The following VPS50 variants were observed in gnomAD, a reference collection of about 807,000 sequenced individuals.
VPS50 encodes the protein syndetin.
Under a neutral mutation model 139.7 loss-of-function variants are expected in VPS50, and 70 were observed. The observed-to-expected ratio is 0.50, with a 90% CI of 0.41 to 0.61. VPS50 has a LOEUF of 0.61. Ranked by LOEUF, VPS50 falls within the 20% of genes least tolerant of loss-of-function variation. VPS50 has a pLI of 0.00. For missense variants in VPS50, 921 were observed against 1,133.7 expected (o/e 0.81, Z 2.69); for synonymous variants, 365 against 376.7 (o/e 0.97, Z 0.36).
intron 17 of VPS50, among the ~76,000 whole-genome samples, chr7:93,305,031 A>G (rs1314820641): frequency 6.6e-6 from 1 of 151,958 alleles, no homozygotes; most frequent in Admixed American, 6.6e-5. Context: ...GAAAATGAAT[A>G]AATTTAAATT....
chr7:93,355,772 A>G (rs1055051026), intron 26 of VPS50, 119 bp from the exon 27 acceptor site: 1 of 542,508 alleles, frequency 1.8e-6, no homozygotes, highest in African/African-American at 1.9e-5. Context: ...TATTTCCTAT[A>G]ACCCTCTCAT....
intron 22 of VPS50, among the ~76,000 whole-genome samples, chr7:93,337,292 G>C (rs1457448336): frequency 6.6e-6 from 1 of 152,184 alleles, no homozygotes; most frequent in East Asian, 1.9e-4. Flanking sequence ...TTTTGTGAAA[G>C]AGCTCCCTGA....
intron 23 of VPS50, among the ~76,000 whole-genome samples, chr7:93,344,792 C>G (rs1229441893): frequency 6.6e-6 from 1 of 152,000 alleles, no homozygotes; most frequent in Non-Finnish European, 1.5e-5. Context: ...AGAACAAAGA[C>G]ACAACATACC....
rs574531927 is a variant in VPS50, at chr7:93,233,061, C to T, written c.33+561C>T. On this transcript the variant is annotated intron_variant, in intron 1 of 27. Transcript: ENST00000305866. Reference sequence around the variant, plus strand: ...CGATAAGCTAATATATGTGAAAACTCTTTGTGAAATTCTGCTTTAAAAAAT... The same window carrying T: ...CGATAAGCTAATATATGTGAAAACTTTTTGTGAAATTCTGCTTTAAAAAAT... 2.4e-4 allele frequency among the ~76,000 whole-genome samples: 36 copies of T among 152,308 alleles called. No individual in the cohort carries two copies. The South Asian group carries it at 5.6e-3, about 24-fold the overall frequency.
At chr7:93,283,752 A>G (rs1163732021) in intron 12 of VPS50, among the ~76,000 whole-genome samples, 3 of 152,218 alleles carry the variant, frequency 2.0e-5, no homozygotes, top group African/African-American at 7.2e-5. Context: ...TTAGATTTCA[A>G]CAGGCACAAC....
chr7:93,342,357 C>T (rs2117063051), intron 23 of VPS50, among the ~76,000 whole-genome samples: 1 of 152,330 alleles, frequency 6.6e-6, no homozygotes, highest in Middle Eastern at 3.4e-3. Context: ...ATTGCTAGCA[C>T]AGCAGTCTGA....
chr7:93,328,046 C>T (rs1797831846), intron 21 of VPS50, among the ~76,000 whole-genome samples: 1 of 152,152 alleles, frequency 6.6e-6, no homozygotes, highest in Non-Finnish European at 1.5e-5. Flanking sequence ...TAATACTATT[C>T]CCTCCAGAAA....
chr7:93,324,546 CGTGGTTTTTGTCTTTGGTTCT>C (rs1562887748), intron 21 of VPS50, among the ~76,000 whole-genome samples: 4 of 152,036 alleles, frequency 2.6e-5, no homozygotes, highest in African/African-American at 9.7e-5. Flanking sequence ...TTGAGATAAT[CGTGGTTTTTGTCTTTGGTTCT>C]GTTTATATGC....
chr7:93,272,042 T>G (rs1295305208), intron 10 of VPS50, among the ~76,000 whole-genome samples: 1 of 151,800 alleles, frequency 6.6e-6, no homozygotes, highest in Non-Finnish European at 1.5e-5. Context: ...CTGAATATTT[T>G]AATGAAGGCT....
At chr7:93,261,350 C>G (rs1213449585) in intron 9 of VPS50, among the ~76,000 whole-genome samples, 1 of 152,100 alleles carries the variant, frequency 6.6e-6, no homozygotes, top group Admixed American at 6.5e-5. Flanking sequence ...CATAATCTAT[C>G]AAGAAGGACT....
intron 25 of VPS50, among the ~76,000 whole-genome samples, chr7:93,350,677 A>T (rs1798531228): frequency 6.6e-6 from 1 of 152,148 alleles, no homozygotes; most frequent in South Asian, 2.1e-4. Context: ...CAGATGATGA[A>T]TAATGCTGTG....
rs374801501 is a variant in VPS50 at position 93,319,283 on chromosome 7, G to C, written c.1856-4328G>C. ...AAGTGTGGGAACCACACTTCTCTCT[G>C]TGTCTCCCACTGATGAATTGGCTAA... On this transcript the variant is annotated intron_variant, in intron 20 of 27. Transcript: ENST00000305866. Among the ~76,000 whole-genome samples, 11 of 152,190 alleles carry C rather than the reference G, an allele frequency of 7.2e-5. No individual in the cohort carries two copies. The East Asian group carries it at 1.7e-3, about 24-fold the overall frequency.
chr7:93,299,137 T>C (rs1796900419), intron 16 of VPS50, among the ~76,000 whole-genome samples: 1 of 152,218 alleles, frequency 6.6e-6, no homozygotes, highest in Admixed American at 6.5e-5. Context: ...GTCTAGTTTC[T>C]ATCCTGTCTG....
chr7:93,236,216 T>C (rs1309666737), intron 1 of VPS50, among the ~76,000 whole-genome samples: 2 of 152,172 alleles, frequency 1.3e-5, no homozygotes, highest in African/African-American at 4.8e-5. Flanking sequence ...GAATGAGAAA[T>C]GTGCTTTTGG....
chr7:93,323,750 G>A lies in VPS50; in HGVS notation c.1977+18G>A. On this transcript the variant is annotated intron_variant, in intron 21 of 27. Coordinates refer to ENST00000305866, the MANE Select transcript of VPS50 (RefSeq NM_017667.4). ...ATGATTCAGTAAGTCCACCTTTAGA[G>A]GGAAAAAAATCTTTCTTTTAAAATT... 1.5e-6 allele frequency: 2 copies of A among 1,345,718 alleles called. No homozygotes were observed. Among genetic ancestry groups the A allele is most frequent in the Non-Finnish European group, 2.0e-6 (2 of 1,003,908 alleles). 83.4% of individuals were successfully genotyped at this position (1,345,718 alleles called of 1,614,324 possible). A position where few individuals can be genotyped will look rare whatever the true frequency, so the allele number is the denominator to read the frequency against.
intron 25 of VPS50, among the ~76,000 whole-genome samples, chr7:93,352,184 T>TA (rs1318158553): frequency 1.3e-5 from 2 of 152,186 alleles, no homozygotes; most frequent in African/African-American, 4.8e-5. Context: ...ATCTTTTAAA[T>TA]AAAATATTGA....
intron 9 of VPS50, among the ~76,000 whole-genome samples, chr7:93,260,852 T>C (rs1304886676): frequency 6.6e-6 from 1 of 152,138 alleles, no homozygotes; most frequent in African/African-American, 2.4e-5. Context: ...CACGCCACCA[T>C]GCGCGGCTAA....
At chr7:93,267,267 G>C (rs1181927520) in intron 9 of VPS50, among the ~76,000 whole-genome samples, 3 of 152,044 alleles carry the variant, frequency 2.0e-5, no homozygotes, top group Non-Finnish European at 4.4e-5. Context: ...GATCAGCCTT[G>C]GGTGAAATTT....
intron 2 of VPS50, among the ~76,000 whole-genome samples, chr7:93,243,806 AAAGT>A (rs1795067707): frequency 6.6e-6 from 1 of 151,950 alleles, no homozygotes; most frequent in African/African-American, 2.4e-5. Context: ...CCCTGATTAA[AAAGT>A]AAAAATACCA....
Sources: allele counts gnomAD v4.1 joint callset (sites outside exome capture counted in the v4.1 genomes callset), GRCh38; gene constraint gnomAD v4.1.1; transcripts MANE v1.5; gene names NCBI Gene and HGNC (gene_info 2026-07-23, HGNC 2026-07-21).